Variants in NWD2 observed in about 807,000 individuals in gnomAD.
NWD2 encodes the protein NACHT and WD repeat domain-containing protein 2.
A neutral mutation model predicts 132.7 loss-of-function variants in NWD2; 37 were observed. The observed-to-expected ratio is 0.28, with a 90% CI of 0.21 to 0.37. NWD2 has a LOEUF of 0.37. NWD2 is among the 10% of genes least tolerant of loss of function. The probability of loss-of-function intolerance (pLI) is 1.00; values close to 1 mark genes in which losing one functional copy is unlikely to be tolerated. For synonymous variants in NWD2, 705 were observed against 803.0 expected (o/e 0.88, Z 2.06); for missense variants, 1,592 against 2,122.4 (o/e 0.75, Z 4.91).
At chr4:37,397,373 T>C (rs2109314092) in intron 3 of NWD2, among the ~76,000 whole-genome samples, 1 of 152,230 alleles carries the variant, frequency 6.6e-6, no homozygotes, top group Non-Finnish European at 1.5e-5. Context: ...TTAGATGAGA[T>C]TAACATTTTA....
intron 3 of NWD2, among the ~76,000 whole-genome samples, chr4:37,402,371 C>T (rs922524905): frequency 6.6e-6 from 1 of 152,168 alleles, no homozygotes; most frequent in African/African-American, 2.4e-5. Flanking sequence ...TGTCTGAGAT[C>T]AGGAATAGCG....
intron 3 of NWD2, among the ~76,000 whole-genome samples, chr4:37,396,889 C>T (rs1205855172): frequency 3.3e-5 from 5 of 151,976 alleles, no homozygotes; most frequent in African/African-American, 9.7e-5. Flanking sequence ...AAAAATTAGC[C>T]GGGTGTGGTG....
At chr4:37,326,919 A>G (rs888950214) in intron 2 of NWD2, among the ~76,000 whole-genome samples, 2 of 152,212 alleles carry the variant, frequency 1.3e-5, no homozygotes, top group African/African-American at 4.8e-5. Context: ...AATATGTTGT[A>G]TAAAGTAACA....
At chr4:37,389,007 A>G (rs1720629703) in intron 3 of NWD2, among the ~76,000 whole-genome samples, 1 of 151,980 alleles carries the variant, frequency 6.6e-6, no homozygotes, top group Non-Finnish European at 1.5e-5. Context: ...GCCTGCTAAT[A>G]CTAAAAGGTG....
intron 3 of NWD2, among the ~76,000 whole-genome samples, chr4:37,418,927 G>A (rs1711719597): frequency 6.6e-6 from 1 of 151,896 alleles, no homozygotes; most frequent in Non-Finnish European, 1.5e-5. Context: ...AATGACCAGT[G>A]ATGATGAGCT....
intron 1 of NWD2, among the ~76,000 whole-genome samples, chr4:37,298,618 C>G (rs1293159591): frequency 1.3e-5 from 2 of 151,970 alleles, no homozygotes; most frequent in African/African-American, 2.4e-5. Flanking sequence ...GAGAGCTCTT[C>G]ATTATTTGCT....
chr4:37,284,152 C>T (rs983408062), intron 1 of NWD2, among the ~76,000 whole-genome samples: 1 of 152,032 alleles, frequency 6.6e-6, no homozygotes, highest in Non-Finnish European at 1.5e-5. Flanking sequence ...ACTGGGAAAT[C>T]AAATATCAAG....
chr4:37,444,618 T>C lies in NWD2; in HGVS notation c.2630T>C (p.Ile877Thr). The change falls in exon 7 of 7, where the codon ATT (isoleucine) becomes ACT (threonine). Residue 877 changes from isoleucine to threonine, a missense_variant. Coordinates refer to ENST00000309447, the MANE Select transcript of NWD2 (RefSeq NM_001144990.2). This position sits in a 1 kb window ranked among gnomAD's most constrained non-coding sequence, Gnocchi z 4.8. ...CAGTTTGACAAAGTGCTTTCAGACA[T>C]TGAGCTGGCTTACAACTACTCGCAA... ...IGQFDKVLSD[I>T]ELAYNYSQEK... is the part of the protein sequence containing the mutation. 3 of 1,552,114 alleles carry C rather than the reference T, an allele frequency of 1.9e-6. No individual in the cohort carries two copies. Among genetic ancestry groups the C allele is most frequent in the Non-Finnish European group, 1.7e-6 (2 of 1,147,096 alleles).
intron 5 of NWD2, among the ~76,000 whole-genome samples, chr4:37,438,279 A>T (rs1712378763): frequency 1.3e-5 from 2 of 151,190 alleles, no homozygotes; most frequent in Admixed American, 6.6e-5. Flanking sequence ...AAAAAAAAGA[A>T]AAAAAAATTT....
At chr4:37,353,692 A>G (rs1415100180) in intron 2 of NWD2, among the ~76,000 whole-genome samples, 1 of 151,804 alleles carries the variant, frequency 6.6e-6, no homozygotes, top group East Asian at 1.9e-4. Context: ...TTTCAGCTCC[A>G]TCAGGTCATT....
intron 1 of NWD2, among the ~76,000 whole-genome samples, chr4:37,299,431 T>C (rs982332207): frequency 1.3e-5 from 2 of 152,192 alleles, no homozygotes; most frequent in Non-Finnish European, 2.9e-5. Context: ...ATCTGAATTC[T>C]ACTCATTTTC....
At chr4:37,413,971 G>C (rs1055225677) in intron 3 of NWD2, among the ~76,000 whole-genome samples, 2 of 152,000 alleles carry the variant, frequency 1.3e-5, no homozygotes, top group African/African-American at 2.4e-5. Flanking sequence ...GGGCCTGTCA[G>C]GGGGTGGGGG....
At chr4:37,331,690 A>G (rs1280612702) in intron 2 of NWD2, among the ~76,000 whole-genome samples, 1 of 152,194 alleles carries the variant, frequency 6.6e-6, no homozygotes, top group Non-Finnish European at 1.5e-5. Context: ...AAACTAAACA[A>G]TTATCCACAC....
At chr4:37,354,540 G>T (rs1333027798) in intron 2 of NWD2, among the ~76,000 whole-genome samples, 1 of 152,176 alleles carries the variant, frequency 6.6e-6, no homozygotes, top group African/African-American at 2.4e-5. Context: ...GAGATGCCCT[G>T]CCCAGAGAGG....
At chr4:37,371,518 A>T (rs1277016296) in intron 3 of NWD2, among the ~76,000 whole-genome samples, 1 of 152,258 alleles carries the variant, frequency 6.6e-6, no homozygotes, top group Non-Finnish European at 1.5e-5. Context: ...GCTAATTTTT[A>T]GCAGTGATAT....
At chr4:37,248,776 A>G (rs1717294615) in intron 1 of NWD2, among the ~76,000 whole-genome samples, 1 of 152,242 alleles carries the variant, frequency 6.6e-6, no homozygotes, top group South Asian at 2.1e-4. Context: ...AGGAAGGTAC[A>G]GTCTTAACAC....
chr4:37,273,729 GT>G (rs1553890175), intron 1 of NWD2, among the ~76,000 whole-genome samples: 4 of 152,056 alleles, frequency 2.6e-5, no homozygotes, highest in Non-Finnish European at 5.9e-5. Flanking sequence ...ATTACAAACT[GT>G]TTCTTAGACC....
At chr4:37,376,208 C>A (rs1428001727) in intron 3 of NWD2, among the ~76,000 whole-genome samples, 1 of 152,076 alleles carries the variant, frequency 6.6e-6, no homozygotes, top group Non-Finnish European at 1.5e-5. Flanking sequence ...TACTTGTTTT[C>A]TGGAAGGATT....
At chr4:37,287,957 A>G (rs1718270052) in intron 1 of NWD2, among the ~76,000 whole-genome samples, 1 of 152,264 alleles carries the variant, frequency 6.6e-6, no homozygotes, top group Admixed American at 6.5e-5. Context: ...CGGTACATAT[A>G]GACCATGGAA....
Sources: allele counts gnomAD v4.1 joint callset (sites outside exome capture counted in the v4.1 genomes callset), GRCh38; gene constraint gnomAD v4.1.1; non-coding constraint Gnocchi (gnomAD v3.1); transcripts MANE v1.5; gene names NCBI Gene and HGNC (gene_info 2026-07-23, HGNC 2026-07-21).